The following NRXN3 variants were observed in gnomAD, a reference collection of about 807,000 sequenced individuals.
The protein encoded by NRXN3 is neurexin III.
A neutral mutation model predicts 137.6 loss-of-function variants in NRXN3; 32 were observed. That is an observed-to-expected ratio of 0.23 (90% CI 0.18 to 0.31). The LOEUF (loss-of-function observed/expected upper bound fraction) is 0.31. Ranked by LOEUF, NRXN3 falls within the 10% of genes least tolerant of loss-of-function variation. The pLI, the probability that NRXN3 is intolerant of heterozygous loss-of-function variation, is 1.00. For missense variants in NRXN3, 1,574 were observed against 2,062.5 expected (o/e 0.76, Z 4.59); for synonymous variants, 798 against 784.5 (o/e 1.02, Z -0.29).
At position 78,650,155 on chromosome 14, in the gene NRXN3, G is replaced by A. The variant is rs147530959; in HGVS notation, c.1060-1010G>A. 5.1e-3 allele frequency among the ~76,000 whole-genome samples: 777 copies of A among 152,040 alleles called. 11 individuals carry two copies. Among genetic ancestry groups the A allele is most frequent in the African/African-American group, 0.018 (729 of 41,488 alleles). On this transcript the variant is annotated intron_variant, in intron 5 of 20. Coordinates refer to ENST00000335750, the MANE Select transcript of NRXN3 (RefSeq NM_001330195.2). ...AGAGAAAAGACTACCTTTTAGTTTTGAATGCTTTTTTTTCACTTCCATCTT... is the reference window on the plus strand; with the variant it reads ...AGAGAAAAGACTACCTTTTAGTTTTAAATGCTTTTTTTTCACTTCCATCTT...
Position 78,709,587 on chromosome 14 carries a change from A to T in NRXN3, c.1592A>T (p.Lys531Ile), listed in dbSNP as rs2098387936. 1.2e-6 allele frequency: 2 copies of T among 1,614,094 alleles called. No homozygotes were observed. The highest frequency in any genetic ancestry group is 1.7e-6 in the Non-Finnish European group (2 of 1,180,014). Reference sequence around the variant, plus strand: ...ATGGGCTCTGGCACCATCAAAGTGAAAGCCACTCAGAAGAAAGCCAATGAT... The same window carrying T: ...ATGGGCTCTGGCACCATCAAAGTGATAGCCACTCAGAAGAAAGCCAATGAT... Reference protein sequence around the residue: ...LDMGSGTIKVKATQKKANDGE... With the variant: ...LDMGSGTIKVIATQKKANDGE... The change falls in exon 7 of 21, where the codon AAA becomes ATA. Residue 531 changes from lysine (K) to isoleucine (I), a missense_variant. By Grantham distance (102) the Lys-to-Ile change is moderately radical (BLOSUM62 -3). This residue lies in a region of NRXN3 where 718 missense variants were observed against 887.6 expected (regional missense o/e 0.81). Coordinates refer to ENST00000335750, the MANE Select transcript of NRXN3 (RefSeq NM_001330195.2).
At chr14:79,016,691 G>T (rs1028442754) in intron 15 of NRXN3, among the ~76,000 whole-genome samples, 1 of 152,174 alleles carries the variant, frequency 6.6e-6, no homozygotes, top group Non-Finnish European at 1.5e-5. Context: ...GATTTGGGGA[G>T]TTTTCATTTA....
intron 15 of NRXN3, among the ~76,000 whole-genome samples, chr14:79,171,725 T>C (rs2061796888): frequency 6.6e-6 from 1 of 152,136 alleles, no homozygotes. Flanking sequence ...TTGTTGAAAA[T>C]ATATGGGGAA....
intron 4 of NRXN3, among the ~76,000 whole-genome samples, chr14:78,514,214 A>T (rs113669372): frequency 0.032 from 4,853 of 152,248 alleles, 233 homozygotes; most frequent in African/African-American, 0.1. Context: ...GATGTCACAG[A>T]GTTGTATATA....
chr14:79,613,223 G>A (rs918467192), intron 16 of NRXN3, among the ~76,000 whole-genome samples: 1 of 152,212 alleles, frequency 6.6e-6, no homozygotes, highest in African/African-American at 2.4e-5. Context: ...AGTCTCAGAT[G>A]AAATTTCTGA....
At chr14:78,895,622 G>A (rs1269034650) in intron 10 of NRXN3, among the ~76,000 whole-genome samples, 1 of 151,808 alleles carries the variant, frequency 6.6e-6, no homozygotes, top group East Asian at 1.9e-4. Context: ...TTCACAACTA[G>A]GTTAACTGTT....
chr14:79,084,224 A>G (rs1480803585), intron 15 of NRXN3, among the ~76,000 whole-genome samples: 3 of 152,112 alleles, frequency 2.0e-5, no homozygotes, highest in African/African-American at 7.2e-5. Context: ...AGCAAGGGAA[A>G]GTTTTGAGGA....
intron 4 of NRXN3, among the ~76,000 whole-genome samples, chr14:78,612,940 A>G (rs1027084206): frequency 6.6e-6 from 1 of 152,162 alleles, no homozygotes; most frequent in African/African-American, 2.4e-5. Context: ...CTGTATAGTT[A>G]TTTCCCGTGC....
intron 2 of NRXN3, among the ~76,000 whole-genome samples, chr14:78,261,731 C>T (rs912201237): frequency 6.6e-6 from 1 of 152,146 alleles, no homozygotes; most frequent in Non-Finnish European, 1.5e-5. Flanking sequence ...CTTAGGGAGG[C>T]AAGGTGACTT....
rs375424922 is a variant in NRXN3, at chr14:78,518,200, T to C, written c.758-126920T>C. 8.7e-4 allele frequency among the ~76,000 whole-genome samples: 133 copies of C among 152,292 alleles called. 4 individuals are homozygous for C. In the South Asian group the frequency reaches 0.027, roughly 30 times the overall value. Reference sequence around the variant, plus strand: ...TATTTTCAGTGGTTCTTGGCAATTTTAAAGTTCCGGTAGTATAGTACAAGT... The same window carrying C: ...TATTTTCAGTGGTTCTTGGCAATTTCAAAGTTCCGGTAGTATAGTACAAGT... On this transcript the variant is annotated intron_variant, in intron 4 of 20. Transcript: ENST00000335750.
At chr14:78,376,705 C>G (rs1178527116) in intron 4 of NRXN3, among the ~76,000 whole-genome samples, 3 of 152,176 alleles carry the variant, frequency 2.0e-5, no homozygotes, top group Admixed American at 6.6e-5. Flanking sequence ...CCTGTTTTCT[C>G]TAGCCCCAAA....
intron 10 of NRXN3, among the ~76,000 whole-genome samples, chr14:78,927,727 CCTAT>C (rs1245563085): frequency 1.3e-5 from 2 of 152,088 alleles, no homozygotes; most frequent in African/African-American, 2.4e-5. Context: ...GGCAGGATTA[CCTAT>C]CTGAGAGAAA....
chr14:79,325,502 A>G (rs1176964138), intron 15 of NRXN3, among the ~76,000 whole-genome samples: 2 of 152,224 alleles, frequency 1.3e-5, no homozygotes, highest in Non-Finnish European at 2.9e-5. Flanking sequence ...AGGGTCTATA[A>G]TTGCGTATAA....
chr14:78,513,339 TC>T (rs1160128525), intron 4 of NRXN3, among the ~76,000 whole-genome samples: 4 of 152,204 alleles, frequency 2.6e-5, no homozygotes, highest in African/African-American at 4.8e-5. Flanking sequence ...CTTTTCTTAT[TC>T]CCTTTGATCT....
intron 4 of NRXN3, among the ~76,000 whole-genome samples, chr14:78,582,729 T>C (rs2097014990): frequency 6.6e-6 from 1 of 152,346 alleles, no homozygotes; most frequent in African/African-American, 2.4e-5. Context: ...GTTTTCGTTG[T>C]AAATTATCCA....
intron 19 of NRXN3, among the ~76,000 whole-genome samples, chr14:79,783,428 T>C (rs2140141107): frequency 6.6e-6 from 1 of 152,328 alleles, no homozygotes; most frequent in Non-Finnish European, 1.5e-5. Flanking sequence ...TGATTTACAA[T>C]GGAGTCTGTT....
At chr14:78,811,648 C>T (rs1453323632) in intron 10 of NRXN3, among the ~76,000 whole-genome samples, 2 of 152,142 alleles carry the variant, frequency 1.3e-5, no homozygotes, top group South Asian at 2.1e-4. Flanking sequence ...CTTGTTGATT[C>T]CATCCTAGTA....
intron 15 of NRXN3, among the ~76,000 whole-genome samples, chr14:79,064,231 T>G (rs995511083): frequency 6.6e-6 from 1 of 152,134 alleles, no homozygotes; most frequent in Admixed American, 6.6e-5. Flanking sequence ...CTCCGATTTC[T>G]CCACAGAACT....
intron 15 of NRXN3, among the ~76,000 whole-genome samples, chr14:79,461,613 A>G (rs1327382575): frequency 2.6e-5 from 4 of 152,202 alleles, no homozygotes; most frequent in Non-Finnish European, 5.9e-5. Context: ...GCTAGAAGAG[A>G]TATTTATCAG....
Sources: allele counts gnomAD v4.1 joint callset (sites outside exome capture counted in the v4.1 genomes callset), GRCh38; gene constraint gnomAD v4.1.1; regional missense constraint gnomAD v4.1.1; transcripts MANE v1.5; gene names NCBI Gene and HGNC (gene_info 2026-07-23, HGNC 2026-07-21).